Variants in MRPL42 observed in about 807,000 individuals in gnomAD.
MRPL42 encodes the protein large ribosomal subunit protein mL42.
A neutral mutation model predicts 17.9 loss-of-function variants in MRPL42; 17 were observed. That is an observed-to-expected ratio of 0.95 (90% CI 0.65 to 1.42). The LOEUF (loss-of-function observed/expected upper bound fraction) is 1.42. Among genes scored for constraint, MRPL42 ranks in the 40% most tolerant of loss-of-function variants. The pLI, the probability that MRPL42 is intolerant of heterozygous loss-of-function variation, is 0.00. For synonymous variants in MRPL42, 59 were observed against 54.4 expected (o/e 1.08, Z -0.37); for missense variants, 177 against 175.2 (o/e 1.01, Z -0.06).
chr12:93,476,008 A>C (rs796838363), intron 2 of MRPL42, among the ~76,000 whole-genome samples: 7 of 152,094 alleles, frequency 4.6e-5, no homozygotes, highest in Admixed American at 1.3e-4. Context: ...ACAACAACAA[A>C]AAAAGAAAAA....
chr12:93,495,712 G>A (rs141796749), intron 5 of MRPL42, among the ~76,000 whole-genome samples: 257 of 152,274 alleles, frequency 1.7e-3, no homozygotes, highest in Non-Finnish European at 3.4e-3. Context: ...ATGAAGTGGG[G>A]CAACACTTCT....
intron 4 of MRPL42, among the ~76,000 whole-genome samples, chr12:93,483,314 CT>C (rs1256912379): frequency 6.6e-6 from 1 of 152,148 alleles, no homozygotes; most frequent in African/African-American, 2.4e-5. Flanking sequence ...GGGATATGTT[CT>C]GAGAAATGCA....
At chr12:93,479,328 A>AAAT in intron 3 of MRPL42, 60 bp from the exon 4 acceptor site, 5 of 1,263,820 alleles carry the variant, frequency 4.0e-6, no homozygotes, top group Admixed American at 2.2e-5. Context: ...AAAAAAAAAA[A>AAAT]GGTAATCATT....
rs1015647235 is a variant in MRPL42 at position 93,509,870 on chromosome 12, C to T, written c.*8649C>T. ...TAACTTATATATCCTCAGTGCTCCC[C>T]TCCCCCATGCCTCCCTCATCACCAT... On this transcript the variant is annotated 3_prime_UTR_variant, in exon 6 of 6. Transcript: ENST00000549982. The T allele has an allele frequency of 1.3e-5, 2 of 152,134 alleles. No individual in the cohort carries two copies. The highest frequency in any genetic ancestry group is 4.8e-5 in the African/African-American group (2 of 41,438). 9.4% of individuals were successfully genotyped at this position (152,134 alleles called of 1,614,324 possible). A position where few individuals can be genotyped will look rare whatever the true frequency, so the allele number is the denominator to read the frequency against.
At chr12:93,482,652 T>TTTCTTA (rs1880514890) in intron 4 of MRPL42, among the ~76,000 whole-genome samples, 1 of 152,158 alleles carries the variant, frequency 6.6e-6, no homozygotes, top group Non-Finnish European at 1.5e-5. Flanking sequence ...TGAGAACATG[T>TTTCTTA]TACTATTAGT....
At chr12:93,475,974 C>T (rs533924886) in intron 2 of MRPL42, among the ~76,000 whole-genome samples, 1 of 151,920 alleles carries the variant, frequency 6.6e-6, no homozygotes, top group Non-Finnish European at 1.5e-5. Flanking sequence ...GAGCAAGACT[C>T]CGTCTCAAAA....
At chr12:93,484,486 T>C in intron 4 of MRPL42, among the ~76,000 whole-genome samples, 1 of 152,152 alleles carries the variant, frequency 6.6e-6, no homozygotes. Flanking sequence ...AAGCAATGCA[T>C]TGCACTATGG....
intron 4 of MRPL42, among the ~76,000 whole-genome samples, chr12:93,483,824 T>G (rs1880580110): frequency 6.6e-6 from 1 of 152,242 alleles, no homozygotes; most frequent in Non-Finnish European, 1.5e-5. Flanking sequence ...TTTTACTCTT[T>G]TGTAATAACA....
intron 5 of MRPL42, among the ~76,000 whole-genome samples, chr12:93,492,428 G>C (rs1953432687): frequency 6.6e-6 from 1 of 151,956 alleles, no homozygotes; most frequent in Non-Finnish European, 1.5e-5. Flanking sequence ...GTCTTCTTTT[G>C]AGAAGTGTCT....
intron 1 of MRPL42, among the ~76,000 whole-genome samples, chr12:93,468,375 T>G (rs1426121539): frequency 6.6e-6 from 1 of 152,184 alleles, no homozygotes; most frequent in Non-Finnish European, 1.5e-5. Context: ...TATTTGTCAT[T>G]TATTCACAAC....
chr12:93,490,004 T>G (rs777086180), intron 5 of MRPL42, among the ~76,000 whole-genome samples: 11 of 152,262 alleles, frequency 7.2e-5, no homozygotes, highest in Middle Eastern at 3.2e-3. Flanking sequence ...TTATGATTCT[T>G]AACATCTCAG....
rs570845442 is a variant in MRPL42 at position 93,507,600 on chromosome 12, G to C, written c.*6379G>C. ...TCTTTCATTAGTTTGCGTTCTTCCA[G>C]GTAATTCTTATAGTCTGGATCCAGC... On this transcript the variant is annotated 3_prime_UTR_variant, in exon 6 of 6. Transcript: ENST00000549982. 3 of 152,310 alleles carry C rather than the reference G, an allele frequency of 2.0e-5. No individual in the cohort carries two copies. In the East Asian group the frequency reaches 5.8e-4, roughly 29 times the overall value. The allele number at this position is 152,310 out of a possible 1,614,324, so 9.4% of individuals were successfully genotyped here.
chr12:93,501,346 A>C lies in MRPL42; in HGVS notation c.*125A>C. On this transcript the variant is annotated 3_prime_UTR_variant, in exon 6 of 6. Coordinates refer to ENST00000549982, the MANE Select transcript of MRPL42 (RefSeq NM_014050.4). ...ATAAAATATCTTTTCATATATTAGA[A>C]TGTGTACTTTTATATAAAGTAATTC... is the stretch of plus-strand genomic sequence containing the variant. The C allele has an allele frequency of 5.5e-6, 3 of 544,310 alleles. No individual in the cohort carries two copies. Among genetic ancestry groups the C allele is most frequent in the Non-Finnish European group, 9.0e-6 (3 of 333,190 alleles). 33.7% of individuals were successfully genotyped at this position (544,310 alleles called of 1,614,324 possible).
At chr12:93,486,048 T>C (rs1223639641) in intron 4 of MRPL42, among the ~76,000 whole-genome samples, 1 of 152,188 alleles carries the variant, frequency 6.6e-6, no homozygotes, top group Non-Finnish European at 1.5e-5. Flanking sequence ...CAGGCTGGTC[T>C]CAAACTCCTG....
intron 4 of MRPL42, among the ~76,000 whole-genome samples, chr12:93,484,137 A>G (rs190487596): frequency 3.9e-5 from 6 of 152,314 alleles, no homozygotes; most frequent in East Asian, 1.9e-4. Context: ...CTGTTTTACA[A>G]TTGACTTTTT....
Position 93,477,087 on chromosome 12 carries a change from T to C in MRPL42, c.134+70T>C. 6 of 1,112,504 alleles carry C rather than the reference T, an allele frequency of 5.4e-6. 1 individual carries two copies. The South Asian group carries it at 8.7e-5, about 16-fold the overall frequency. The allele number at this position is 1,112,504 out of a possible 1,614,324, so 68.9% of individuals were successfully genotyped here. ...GCTGAAATGATTTAATTTTATTTCT[T>C]GTTTTGATGTCTGATGCTTTCTTTT... On this transcript the variant is annotated intron_variant, in intron 3 of 5. Coordinates refer to ENST00000549982, the MANE Select transcript of MRPL42 (RefSeq NM_014050.4).
intron 5 of MRPL42, among the ~76,000 whole-genome samples, chr12:93,494,382 C>G (rs748213366): frequency 1.3e-5 from 2 of 152,102 alleles, no homozygotes; most frequent in Non-Finnish European, 2.9e-5. Flanking sequence ...GACAAATGGT[C>G]AAATCTAGAT....
At chr12:93,489,077 A>C (rs1953363968) in intron 5 of MRPL42, among the ~76,000 whole-genome samples, 1 of 152,208 alleles carries the variant, frequency 6.6e-6, no homozygotes, top group African/African-American at 2.4e-5. Context: ...TTATAGAATT[A>C]ATGAATATAC....
chr12:93,508,093 T>C lies in MRPL42; in HGVS notation c.*6872T>C, dbSNP rs1355993261. 6.6e-6 allele frequency: 1 copy of C among 152,394 alleles called. No homozygotes were observed. 9.4% of individuals were successfully genotyped at this position (152,394 alleles called of 1,614,324 possible). On this transcript the variant is annotated 3_prime_UTR_variant, in exon 6 of 6. Transcript: ENST00000549982. ...TCCTGAGTAGCTGAGATTACAGGCA[T>C]GAGCCACCACGCCCAGCTAATTTTG...
Sources: allele counts gnomAD v4.1 joint callset (sites outside exome capture counted in the v4.1 genomes callset), GRCh38; gene constraint gnomAD v4.1.1; transcripts MANE v1.5; gene names NCBI Gene and HGNC (gene_info 2026-07-23, HGNC 2026-07-21).